The following SPATS2 variants were observed in gnomAD, a reference collection of about 807,000 sequenced individuals.
SPATS2 encodes spermatogenesis associated serine rich 2.
In SPATS2, 38 loss-of-function variants were observed where a neutral mutation model predicts 63.7. That is an observed-to-expected ratio of 0.60 (90% CI 0.46 to 0.78). The LOEUF (loss-of-function observed/expected upper bound fraction) is 0.78, where lower values mean the gene tolerates loss of function less well. SPATS2 is among the 30% of genes least tolerant of loss of function. SPATS2 has a pLI of 0.00. For synonymous variants in SPATS2, 207 were observed against 232.9 expected (o/e 0.89, Z 1.01); for missense variants, 588 against 666.2 (o/e 0.88, Z 1.29).
At chr12:49,480,164 T>C (rs1291577829) in intron 3 of SPATS2, among the ~76,000 whole-genome samples, 2 of 152,234 alleles carry the variant, frequency 1.3e-5, no homozygotes, top group Non-Finnish European at 2.9e-5. Context: ...ATCCTTAGAC[T>C]TACTCCATAC....
intron 9 of SPATS2, among the ~76,000 whole-genome samples, chr12:49,501,606 T>C (rs1036481816): frequency 2.6e-5 from 4 of 152,056 alleles, no homozygotes; most frequent in Non-Finnish European, 5.9e-5. Context: ...TAACGGATAT[T>C]TGTTTTTTTG....
chr12:49,426,669 G>A (rs562365734), intron 2 of SPATS2, among the ~76,000 whole-genome samples: 20 of 151,736 alleles, frequency 1.3e-4, no homozygotes, highest in Non-Finnish European at 2.7e-4. Context: ...TCAGCCTCCC[G>A]AGTAGCTGGG....
At chr12:49,467,284 G>A (rs1032862176) in intron 3 of SPATS2, among the ~76,000 whole-genome samples, 6 of 147,730 alleles carry the variant, frequency 4.1e-5, no homozygotes, top group Admixed American at 3.5e-4. Flanking sequence ...GGATGGTCTC[G>A]ATATCCTGAC....
At chr12:49,486,395 G>T in intron 4 of SPATS2, 1 of 299,196 alleles carries the variant, frequency 3.3e-6, no homozygotes, top group Non-Finnish European at 6.7e-6. Context: ...TTAGTAGAGA[G>T]GGTGTCACCA....
intron 2 of SPATS2, among the ~76,000 whole-genome samples, chr12:49,423,968 C>T (rs1945028364): frequency 6.6e-6 from 1 of 152,086 alleles, no homozygotes; most frequent in Non-Finnish European, 1.5e-5. Flanking sequence ...TTTGGGAGGC[C>T]AAGGCGGGCA....
chr12:49,462,293 A>G (rs1024796701), intron 3 of SPATS2: 1 of 702,216 alleles, frequency 1.4e-6, no homozygotes, highest in Non-Finnish European at 2.6e-6. Flanking sequence ...GCGCGAGTGA[A>G]CAAGGAAGGA....
intron 9 of SPATS2, 86 bp from the exon 10 acceptor site, chr12:49,514,469 C>T (rs1946806326): frequency 1.6e-6 from 2 of 1,252,440 alleles, no homozygotes; most frequent in South Asian, 2.7e-5. Context: ...AACAAACTCA[C>T]TGGTCTTTCT....
intron 11 of SPATS2, among the ~76,000 whole-genome samples, chr12:49,522,047 C>A (rs78710864): frequency 0.088 from 13,331 of 151,450 alleles, 693 homozygotes; most frequent in African/African-American, 0.13. Context: ...AAAAATGATT[C>A]CAGTCTACCT....
intron 3 of SPATS2, among the ~76,000 whole-genome samples, chr12:49,471,925 C>T (rs1052327079): frequency 1.3e-5 from 2 of 151,930 alleles, no homozygotes; most frequent in Admixed American, 1.3e-4. Context: ...CATTTGAGCC[C>T]AGGAGTTTGA....
At chr12:49,483,682 C>T (rs981770735) in intron 3 of SPATS2, among the ~76,000 whole-genome samples, 38 of 152,030 alleles carry the variant, frequency 2.5e-4, no homozygotes, top group African/African-American at 8.0e-4. Flanking sequence ...TTTTTGTACC[C>T]CTTTTCTTAA....
At chr12:49,515,301 A>G (rs563409609) in intron 10 of SPATS2, among the ~76,000 whole-genome samples, 1 of 152,264 alleles carries the variant, frequency 6.6e-6, no homozygotes, top group Non-Finnish European at 1.5e-5. Flanking sequence ...AACTTGTACA[A>G]TGGCATTGAT....
At chr12:49,503,648 C>CA (rs147728331) in intron 9 of SPATS2, among the ~76,000 whole-genome samples, 42,199 of 139,062 alleles carry the variant, frequency 0.3, 7,884 homozygotes, top group African/African-American at 0.55. Flanking sequence ...GACTCCATCT[C>CA]AAAAAAAAAA....
chr12:49,472,110 C>T (rs192925160), intron 3 of SPATS2, among the ~76,000 whole-genome samples: 2 of 151,972 alleles, frequency 1.3e-5, no homozygotes, highest in Non-Finnish European at 2.9e-5. Flanking sequence ...TGCACTCCAG[C>T]GTGGGTGACA....
intron 2 of SPATS2, among the ~76,000 whole-genome samples, chr12:49,447,344 T>A (rs768235983): frequency 4.6e-5 from 7 of 152,300 alleles, no homozygotes; most frequent in Non-Finnish European, 5.9e-5. Context: ...GTTCAAGCGA[T>A]TCTCTTGCCT....
At chr12:49,424,958 G>A (rs1945046865) in intron 2 of SPATS2, among the ~76,000 whole-genome samples, 1 of 152,196 alleles carries the variant, frequency 6.6e-6, no homozygotes, top group African/African-American at 2.4e-5. Flanking sequence ...TGGGATAACA[G>A]GAGTGAGCCA....
At chr12:49,486,830 G>T (rs1038833018) in intron 4 of SPATS2, among the ~76,000 whole-genome samples, 1 of 151,846 alleles carries the variant, frequency 6.6e-6, no homozygotes, top group African/African-American at 2.4e-5. Context: ...TAGGAGCTAG[G>T]TGTGCTTATT....
At chr12:49,479,613 G>A (rs1440158429) in intron 3 of SPATS2, among the ~76,000 whole-genome samples, 1 of 152,148 alleles carries the variant, frequency 6.6e-6, no homozygotes, top group Non-Finnish European at 1.5e-5. Context: ...GGGAGTTCCT[G>A]CCCCAACTCA....
intron 3 of SPATS2, among the ~76,000 whole-genome samples, chr12:49,468,065 T>C (rs1945957259): frequency 6.6e-6 from 1 of 150,748 alleles, no homozygotes; most frequent in Non-Finnish European, 1.5e-5. Context: ...TTTCTTTTTC[T>C]CTTTTCTTTT....
intron 2 of SPATS2, among the ~76,000 whole-genome samples, chr12:49,456,856 C>T (rs1472326996): frequency 1.3e-5 from 2 of 152,092 alleles, no homozygotes; most frequent in African/African-American, 4.8e-5. Context: ...TGTATTGATT[C>T]CAGTTATTCT....
Sources: allele counts gnomAD v4.1 joint callset (sites outside exome capture counted in the v4.1 genomes callset), GRCh38; gene constraint gnomAD v4.1.1; transcripts MANE v1.5; gene names NCBI Gene and HGNC (gene_info 2026-07-23, HGNC 2026-07-21).